Variants in SNTA1 observed in about 807,000 individuals in gnomAD.
SNTA1 encodes the protein syntrophin alpha 1.
A neutral mutation model predicts 47.1 loss-of-function variants in SNTA1; 31 were observed. The observed-to-expected ratio is 0.66, with a 90% CI of 0.49 to 0.89. The LOEUF (loss-of-function observed/expected upper bound fraction) is 0.89, where lower values mean the gene tolerates loss of function less well. Among genes scored for constraint, SNTA1 ranks in the 40% least tolerant of loss-of-function variants. The pLI is 0.00. For synonymous variants in SNTA1, 300 were observed against 313.6 expected, an observed-to-expected ratio of 0.96 and a Z score of 0.46; for missense variants, 575 against 693.0, an observed-to-expected ratio of 0.83 and a Z score of 1.91.
chr20:33,412,562 G>T lies in SNTA1; in HGVS notation c.909+13C>A, dbSNP rs1161052356. The T allele has an allele frequency of 3.1e-6, 5 of 1,609,712 alleles. No individual in the cohort carries two copies. The highest frequency in any genetic ancestry group is 4.2e-6 in the Non-Finnish European group (5 of 1,177,454). ...GAAGAGAGAGAGGGATAGGTCCCAG[G>T]CCCAGCAGGTACCTGCTCAGTTAGC... On this transcript the variant is annotated intron_variant, in intron 4 of 7. Coordinates refer to ENST00000217381, the MANE Select transcript of SNTA1 (RefSeq NM_003098.3).
intron 3 of SNTA1, among the ~76,000 whole-genome samples, chr20:33,413,067 A>G (rs1485762705): frequency 6.6e-6 from 1 of 152,122 alleles, no homozygotes; most frequent in African/African-American, 2.4e-5. Flanking sequence ...CTGCACTGCA[A>G]TGGCCCAACC....
chr20:33,410,208 C>T lies in SNTA1; in HGVS notation c.1164G>A (p.Glu388=). 1 of 1,614,082 alleles carries T rather than the reference C, an allele frequency of 6.2e-7. No homozygotes were observed. The highest frequency in any genetic ancestry group is 1.1e-5 in the South Asian group (1 of 91,072). The change falls in exon 6 of 8, where the codon GAG becomes GAA. Residue 388 remains glutamate (E), a synonymous_variant. Transcript: ENST00000217381. ...CAAGCTGGCGGGTCCAGGCAGCCAG[C>T]TCCTGCGGTGACTCCACGCTGAACA... The part of the protein sequence containing the change: ...THLFSVESPQ[E]LAAWTRQLVD...
intron 2 of SNTA1, among the ~76,000 whole-genome samples, chr20:33,423,549 A>C (rs1990086461): frequency 6.6e-6 from 1 of 152,206 alleles, no homozygotes; most frequent in South Asian, 2.1e-4. Flanking sequence ...AGGGAAGCTG[A>C]GGCACCTATA....
At chr20:33,414,922 C>T (rs762914041) in intron 3 of SNTA1, among the ~76,000 whole-genome samples, 1 of 152,154 alleles carries the variant, frequency 6.6e-6, no homozygotes, top group African/African-American at 2.4e-5. Context: ...TAAGTCATTG[C>T]TTGTTGGAGT....
At chr20:33,418,584 A>T (rs976932886) in intron 2 of SNTA1, among the ~76,000 whole-genome samples, 9 of 150,360 alleles carry the variant, frequency 6.0e-5, no homozygotes, top group Non-Finnish European at 1.2e-4. Context: ...TTTGAGGTCA[A>T]AAGTTTGAAA....
At chr20:33,422,001 C>T (rs1184959221) in intron 2 of SNTA1, among the ~76,000 whole-genome samples, 2 of 146,448 alleles carry the variant, frequency 1.4e-5, no homozygotes, top group Non-Finnish European at 3.0e-5. Context: ...AGAGAGATGT[C>T]AGGATTAAAT....
At chr20:33,429,451 G>A (rs1444133143) in intron 2 of SNTA1, among the ~76,000 whole-genome samples, 1 of 148,176 alleles carries the variant, frequency 6.7e-6, no homozygotes, top group Middle Eastern at 3.3e-3. Flanking sequence ...CAGGAGTGGC[G>A]AAACCCCATC....
At chr20:33,426,301 A>G (rs947561898) in intron 2 of SNTA1, among the ~76,000 whole-genome samples, 6 of 145,800 alleles carry the variant, frequency 4.1e-5, no homozygotes, top group Non-Finnish European at 9.0e-5. Context: ...ATACAAAAAA[A>G]TTAGCCAGGT....
intron 1 of SNTA1, among the ~76,000 whole-genome samples, chr20:33,442,437 T>C (rs1307016901): frequency 6.6e-6 from 1 of 152,146 alleles, no homozygotes; most frequent in Non-Finnish European, 1.5e-5. Flanking sequence ...TGCAAGGATT[T>C]TAACAACTAT....
chr20:33,438,005 A>G (rs1486221986), intron 2 of SNTA1, among the ~76,000 whole-genome samples: 1 of 152,232 alleles, frequency 6.6e-6, no homozygotes, highest in Non-Finnish European at 1.5e-5. Context: ...GTCCTACTCT[A>G]TAAAAGCCAA....
rs753623119 is a variant in SNTA1 at position 33,412,671 on chromosome 20, CAG to C, written c.811_812del (p.Leu271AspfsTer7). On this transcript the variant is annotated frameshift_variant, in exon 4 of 8. Transcript: ENST00000217381. LOFTEE classifies it high-confidence loss of function. ...GCAGCTCATCCTTGACCCGCGGCGTCAGAGTATTGACCTGGGCTTGGATGGCA... is the reference window on the plus strand; with the variant it reads ...GCAGCTCATCCTTGACCCGCGGCGTCAGTATTGACCTGGGCTTGGATGGCA... ...ATAIQAQVNTLTPRVKDELQA... is the reference protein window; with the variant it reads ...ATAIQAQVNTXTPRVKDELQA... 6.2e-7 allele frequency: 1 copy of C among 1,613,812 alleles called. No individual in the cohort carries two copies. The highest frequency in any genetic ancestry group is 1.3e-5 in the African/African-American group (1 of 74,932).
intron 3 of SNTA1, among the ~76,000 whole-genome samples, chr20:33,415,144 A>G (rs533988728): frequency 6.6e-6 from 1 of 152,346 alleles, no homozygotes; most frequent in South Asian, 2.1e-4. Context: ...GCATACACAT[A>G]CAAATAACAT....
At chr20:33,437,991 T>G (rs1444566884) in intron 2 of SNTA1, among the ~76,000 whole-genome samples, 5 of 152,198 alleles carry the variant, frequency 3.3e-5, no homozygotes, top group Non-Finnish European at 4.4e-5. Flanking sequence ...TGGAAGGATT[T>G]GATGTCCTAC....
intron 1 of SNTA1, among the ~76,000 whole-genome samples, chr20:33,442,898 C>T (rs1448028616): frequency 6.6e-6 from 1 of 152,132 alleles, no homozygotes; most frequent in East Asian, 1.9e-4. Flanking sequence ...GGCTTCCCCT[C>T]TGCACCCACC....
At chr20:33,439,109 GGCTTCCCTTGGT>G in intron 1 of SNTA1, 83 bp from the exon 2 acceptor site, 1 of 1,262,018 alleles carries the variant, frequency 7.9e-7, no homozygotes, top group Non-Finnish European at 1.2e-6. Flanking sequence ...TATTTCTGAA[GGCTTCCCTTGGT>G]GCCTAGCCCA....
chr20:33,408,391 C>T lies in SNTA1; in HGVS notation c.*116G>A. 1 of 782,528 alleles carries T rather than the reference C, an allele frequency of 1.3e-6. No homozygotes were observed. The highest frequency in any genetic ancestry group is 1.7e-5 in the African/African-American group (1 of 58,596). 48.5% of individuals were successfully genotyped at this position (782,528 alleles called of 1,614,324 possible). On this transcript the variant is annotated 3_prime_UTR_variant, in exon 8 of 8. Transcript: ENST00000217381. ...TCCCTCAGGGTTGGGGTTTCGGAGG[C>T]CCTTGTTCCTCTCCTCTCCCTTCCC...
intron 2 of SNTA1, among the ~76,000 whole-genome samples, chr20:33,419,383 G>A (rs566333945): frequency 1.1e-4 from 16 of 152,184 alleles, no homozygotes; most frequent in Non-Finnish European, 1.8e-4. Context: ...TATTTCTGTC[G>A]CAGGAGATGC....
chr20:33,418,029 C>A (rs1411242650), intron 2 of SNTA1, 106 bp from the exon 3 acceptor site: 1 of 763,120 alleles, frequency 1.3e-6, no homozygotes, highest in Admixed American at 2.2e-5. Flanking sequence ...CACTATTAGA[C>A]CCTTAGTAAG....
At chr20:33,415,799 A>G (rs1322859170) in intron 3 of SNTA1, among the ~76,000 whole-genome samples, 1 of 150,690 alleles carries the variant, frequency 6.6e-6, no homozygotes, top group African/African-American at 2.4e-5. Context: ...TCCCAAAAAA[A>G]AAAAAAATAC....
Sources: allele counts gnomAD v4.1 joint callset (sites outside exome capture counted in the v4.1 genomes callset), GRCh38; gene constraint gnomAD v4.1.1; transcripts MANE v1.5; gene names NCBI Gene and HGNC (gene_info 2026-07-23, HGNC 2026-07-21).